The following GRM1 variants were observed in gnomAD, a reference collection of about 807,000 sequenced individuals.
The protein encoded by GRM1 is glutamate metabotropic receptor 1, also known as metabotropic glutamate receptor 1.
GRM1 carries 33 observed loss-of-function variants against 90.9 expected under a neutral mutation model. That is an observed-to-expected ratio of 0.36 (90% CI 0.28 to 0.49). The LOEUF (loss-of-function observed/expected upper bound fraction) is 0.49. GRM1 is among the 20% of genes least tolerant of loss of function. The pLI is 0.99. For missense variants in GRM1, 1,190 were observed against 1,534.3 expected (o/e 0.78, Z 3.75); for synonymous variants, 700 against 613.2 (o/e 1.14, Z -2.09).
At position 146,067,999 on chromosome 6, in the gene GRM1, C is replaced by T. The variant is rs1433159013; in HGVS notation, c.700+37782C>T. On this transcript the variant is annotated intron_variant, in intron 1 of 7. Coordinates refer to ENST00000282753, the MANE Select transcript of GRM1 (RefSeq NM_001278064.2). ...GGGTTTTAGGGGAAAAGTTGTAATG[C>T]GCTTTGCATTTTAAAAGGTCGCTTA... Among the ~76,000 whole-genome samples the T allele has an allele frequency of 6.6e-5, 10 of 152,116 alleles. No individual in the cohort carries two copies. The East Asian group carries it at 9.6e-4, about 15-fold the overall frequency.
intron 1 of GRM1, among the ~76,000 whole-genome samples, chr6:146,095,828 G>A (rs566842150): frequency 6.6e-6 from 1 of 152,246 alleles, no homozygotes; most frequent in Admixed American, 6.5e-5. Flanking sequence ...GAGGGAGCTT[G>A]ACTTAGAAGC....
At chr6:146,111,525 A>C (rs866383268) in intron 1 of GRM1, among the ~76,000 whole-genome samples, 1 of 152,232 alleles carries the variant, frequency 6.6e-6, no homozygotes, top group Non-Finnish European at 1.5e-5. Context: ...AAGAATCCAC[A>C]TTAGAGAAGG....
chr6:146,326,897 G>C (rs1784418609), intron 3 of GRM1, among the ~76,000 whole-genome samples: 1 of 152,174 alleles, frequency 6.6e-6, no homozygotes, highest in Admixed American at 6.5e-5. Flanking sequence ...ATACCAGGAA[G>C]TTAGCTGTGG....
upstream of GRM1, among the ~76,000 whole-genome samples, chr6:146,028,230 GGA>G (rs1790563496): frequency 1.6e-5 from 2 of 124,552 alleles, no homozygotes; most frequent in Non-Finnish European, 3.3e-5. Flanking sequence ...CGAGTGGAAG[GGA>G]GTGTGTGTGT....
At chr6:146,363,508 T>C (rs1454154106) in intron 5 of GRM1, among the ~76,000 whole-genome samples, 1 of 152,166 alleles carries the variant, frequency 6.6e-6, no homozygotes, top group Non-Finnish European at 1.5e-5. Context: ...CCTTTCCTGA[T>C]AATAAGAAAA....
chr6:146,377,014 T>A (rs1009613762), intron 5 of GRM1, among the ~76,000 whole-genome samples: 1 of 152,136 alleles, frequency 6.6e-6, no homozygotes, highest in African/African-American at 2.4e-5. Context: ...GACGTGACTT[T>A]ACCCCTCCTT....
chr6:146,045,990 A>C (rs1027817708), intron 1 of GRM1, among the ~76,000 whole-genome samples: 1 of 151,910 alleles, frequency 6.6e-6, no homozygotes, highest in Non-Finnish European at 1.5e-5. Flanking sequence ...CAAGAGGTGT[A>C]CTGAGTAGGA....
chr6:146,070,041 G>A (rs1205528652), intron 1 of GRM1, among the ~76,000 whole-genome samples: 1 of 152,110 alleles, frequency 6.6e-6, no homozygotes. Flanking sequence ...TATCTGTTAT[G>A]TGCCAATTTC....
chr6:146,213,729 T>TAGATAGATAGATAGAGAGATAGAG (rs1554281931), intron 2 of GRM1, among the ~76,000 whole-genome samples: 1 of 151,798 alleles, frequency 6.6e-6, no homozygotes, highest in African/African-American at 2.4e-5. Context: ...GATAGATAGA[T>TAGATAGATAGATAGAGAGATAGAG]AGATAGATGG....
chr6:146,213,857 T>C (rs562183464), intron 2 of GRM1, among the ~76,000 whole-genome samples: 28 of 152,030 alleles, frequency 1.8e-4, no homozygotes, highest in African/African-American at 6.5e-4. Context: ...TCAGTACAAG[T>C]ATGCAGGCCT....
At chr6:146,081,512 G>T (rs1006251630) in intron 1 of GRM1, among the ~76,000 whole-genome samples, 3 of 152,170 alleles carry the variant, frequency 2.0e-5, no homozygotes, top group African/African-American at 7.2e-5. Flanking sequence ...AAGAGTGGAA[G>T]CAGAGTGTTA....
chr6:146,159,637 T>TCACACACA lies in GRM1; in HGVS notation c.950+41_950+42insACACACAC, dbSNP rs769985293. The TCACACACA allele has an allele frequency of 7.1e-6, 9 of 1,261,280 alleles. No homozygotes were observed. In the African/African-American group the frequency reaches 1.6e-4, roughly 23 times the overall value. The allele number at this position is 1,261,280 out of a possible 1,614,324, so 78.1% of individuals were successfully genotyped here. On this transcript the variant is annotated intron_variant, in intron 2 of 7. Coordinates refer to ENST00000282753, the MANE Select transcript of GRM1 (RefSeq NM_001278064.2). ...CTCTCTCTCTCTCTCTCTCTCTCTC[T>TCACACACA]CTCTCACACACACACATGCACACAC...
chr6:146,128,616 T>C (rs184041432), intron 1 of GRM1, among the ~76,000 whole-genome samples: 3 of 152,316 alleles, frequency 2.0e-5, no homozygotes, highest in Non-Finnish European at 2.9e-5. Context: ...GAATTCTAAA[T>C]TTGCTATCCA....
At chr6:146,251,685 A>T (rs1449718996) in intron 2 of GRM1, among the ~76,000 whole-genome samples, 8 of 152,176 alleles carry the variant, frequency 5.3e-5, no homozygotes, top group Non-Finnish European at 1.5e-5. Flanking sequence ...ATAAGGGCAG[A>T]TTTGTGAGTA....
At chr6:146,429,924 G>A (rs1330120168) in intron 7 of GRM1, among the ~76,000 whole-genome samples, 1 of 152,154 alleles carries the variant, frequency 6.6e-6, no homozygotes, top group Non-Finnish European at 1.5e-5. Context: ...TAAGCCTAGA[G>A]GCAAAGACTT....
At chr6:146,363,054 G>A (rs931739170) in intron 5 of GRM1, among the ~76,000 whole-genome samples, 35 of 152,246 alleles carry the variant, frequency 2.3e-4, no homozygotes, top group African/African-American at 7.9e-4. Flanking sequence ...ACAGGAGTTC[G>A]TATCTGGCTT....
chr6:146,049,280 G>A (rs1562428565), intron 1 of GRM1, among the ~76,000 whole-genome samples: 1 of 151,872 alleles, frequency 6.6e-6, no homozygotes, highest in Admixed American at 6.6e-5. Flanking sequence ...GGTCTATGAG[G>A]GTATTTCCCA....
intron 7 of GRM1, among the ~76,000 whole-genome samples, chr6:146,421,111 G>A (rs9390386): frequency 0.45 from 67,925 of 151,812 alleles, 15,578 homozygotes; most frequent in South Asian, 0.6. Flanking sequence ...ACTTTGCAAA[G>A]CAATTTGGTA....
Position 146,399,751 on chromosome 6 carries a change from TTCTCTCTC to T in GRM1, c.2660+68_2660+75del, listed in dbSNP as rs57974513. On this transcript the variant is annotated intron_variant, in intron 7 of 7. Transcript: ENST00000282753. The surrounding 1 kb of genome is among the most constrained non-coding windows in gnomAD (Gnocchi z 5.4). Reference sequence around the variant, plus strand: ...CTTTTCTCTTCCTTTCTCTGTCTCTTTCTCTCTCTCTCTCTCTCTCTCTTTCTCTGTCT... The same window carrying T: ...CTTTTCTCTTCCTTTCTCTGTCTCTTTCTCTCTCTCTCTCTTTCTCTGTCT... The T allele has an allele frequency of 4.2e-5, 45 of 1,063,436 alleles. No homozygotes were observed. Among genetic ancestry groups the T allele is most frequent in the African/African-American group, 1.8e-4 (11 of 60,766 alleles). 65.9% of individuals were successfully genotyped at this position (1,063,436 alleles called of 1,614,324 possible). A position where few individuals can be genotyped will look rare whatever the true frequency, so the allele number is the denominator to read the frequency against.
Sources: gnomAD v4.1 joint callset for allele counts (sites outside exome capture counted in the v4.1 genomes callset) on GRCh38, gnomAD v4.1.1 for gene constraint, Gnocchi (gnomAD v3.1) non-coding constraint, MANE v1.5 for transcripts, NCBI Gene and HGNC (gene_info 2026-07-23, HGNC 2026-07-21) for gene names.